BRIP1: variants seen among roughly 807,000 people sequenced by gnomAD.
BRIP1 encodes the protein Fanconi anemia group J protein.
Under a neutral mutation model 119.7 loss-of-function variants are expected in BRIP1, and 88 were observed. The ratio of observed to expected loss-of-function variants is 0.74; its 90% CI spans 0.62 to 0.88. The LOEUF (loss-of-function observed/expected upper bound fraction) is 0.88. Among genes scored for constraint, BRIP1 ranks in the 40% least tolerant of loss-of-function variants. The pLI is 0.00. For synonymous variants in BRIP1, 443 were observed against 496.5 expected, an observed-to-expected ratio of 0.89 and a Z score of 1.43; for missense variants, 1,259 against 1,455.4, an observed-to-expected ratio of 0.87 and a Z score of 2.20.
intron 14 of BRIP1, among the ~76,000 whole-genome samples, chr17:61,773,883 G>A (rs1340753173): frequency 6.6e-6 from 1 of 152,086 alleles, no homozygotes; most frequent in Non-Finnish European, 1.5e-5. Context: ...AAACCACAAT[G>A]AGATACCATC....
chr17:61,715,453 A>G (rs530103331), intron 17 of BRIP1, among the ~76,000 whole-genome samples: 20 of 152,232 alleles, frequency 1.3e-4, no homozygotes, highest in Admixed American at 5.9e-4. Flanking sequence ...TGGGCAGTAA[A>G]ATAGATTTTG....
Position 61,683,753 on chromosome 17 carries a change from G to T in BRIP1, c.3293C>A (p.Ala1098Asp), listed in dbSNP as rs1361161166. The T allele has an allele frequency of 1.2e-6, 2 of 1,614,106 alleles. No homozygotes were observed. The highest frequency in any genetic ancestry group is 1.7e-6 in the Non-Finnish European group (2 of 1,180,014). ...AGACAATTCAATGTCTGGATCCAGG[G>T]CTTCTTCAGAACAGAGCGGATGTTC... ...HSEHPLCSEE[A>D]LDPDIELSLV... Residue 1098 changes from alanine (A) to aspartate (D), a missense_variant, in exon 20 of 20, where the codon GCC becomes GAC. Transcript: ENST00000259008. The surrounding 1 kb of genome is among the most constrained non-coding windows in gnomAD (Gnocchi z 4.7).
rs368474881 is a variant in BRIP1, at chr17:61,745,124, T to G, written c.2098-533A>C. ...GCAGATAAGCTCATTATTTGAATATTTGATCATCATTAATAACCTGCATTG... is the reference window on the plus strand; with the variant it reads ...GCAGATAAGCTCATTATTTGAATATGTGATCATCATTAATAACCTGCATTG... On this transcript the variant is annotated intron_variant, in intron 14 of 19. Coordinates refer to ENST00000259008, the MANE Select transcript of BRIP1 (RefSeq NM_032043.3). This position sits in a 1 kb window ranked among gnomAD's most constrained non-coding sequence, Gnocchi z 4.4. Among the ~76,000 whole-genome samples the G allele has an allele frequency of 1.3e-5, 2 of 152,310 alleles. No individual in the cohort carries two copies. The highest frequency in any genetic ancestry group is 2.1e-4 in the South Asian group (1 of 4,830).
In BRIP1 at chr17:61,794,504, A is replaced by G. The variant is rs946977019; in HGVS notation, c.1341-775T>C. ...TAAATGATGAGACCACATGGACAAGAGGGGAACAGCACATACTGGGGCCTA... is the reference window on the plus strand; with the variant it reads ...TAAATGATGAGACCACATGGACAAGGGGGGAACAGCACATACTGGGGCCTA... On this transcript the variant is annotated intron_variant, in intron 9 of 19. Transcript: ENST00000259008. This position sits in a 1 kb window ranked among gnomAD's most constrained non-coding sequence, Gnocchi z 4.3. Among the ~76,000 whole-genome samples the G allele has an allele frequency of 1.3e-5, 2 of 152,004 alleles. No individual in the cohort carries two copies. Among genetic ancestry groups the G allele is most frequent in the Admixed American group, 1.3e-4 (2 of 15,234 alleles).
intron 6 of BRIP1, among the ~76,000 whole-genome samples, chr17:61,839,087 A>C (rs1459789684): frequency 2.0e-5 from 3 of 152,158 alleles, no homozygotes; most frequent in African/African-American, 7.2e-5. Flanking sequence ...TTACTCCCCT[A>C]TGACACCCAA....
rs2076962149 is a variant in BRIP1 at position 61,739,706 on chromosome 17, C to A, written c.2379+3307G>T. Reference sequence around the variant, plus strand: ...AGAACTCCTGCTTTGGTATGAGACCCTAACTGACTGTATCCTAGGGGGAGG... The same window carrying A: ...AGAACTCCTGCTTTGGTATGAGACCATAACTGACTGTATCCTAGGGGGAGG... On this transcript the variant is annotated intron_variant, in intron 16 of 19. Coordinates refer to ENST00000259008, the MANE Select transcript of BRIP1 (RefSeq NM_032043.3). The surrounding 1 kb of genome is among the most constrained non-coding windows in gnomAD (Gnocchi z 6.0). Among the ~76,000 whole-genome samples the A allele has an allele frequency of 6.6e-6, 1 of 152,140 alleles. No individual in the cohort carries two copies. The highest frequency in any genetic ancestry group is 2.4e-5 in the African/African-American group (1 of 41,442).
At position 61,852,856 on chromosome 17, in the gene BRIP1, G is replaced by T. The variant is rs909428141; in HGVS notation, c.380-3600C>A. Among the ~76,000 whole-genome samples, 2 of 151,992 alleles carry T rather than the reference G, an allele frequency of 1.3e-5. No homozygotes were observed. The highest frequency in any genetic ancestry group is 2.4e-5 in the African/African-American group (1 of 41,384). ...TAAATATCAAGTACTAACAAAAATG[G>T]TGAACAACTTTCATATACTGCTGCA... On this transcript the variant is annotated intron_variant, in intron 4 of 19. Transcript: ENST00000259008. This position sits in a 1 kb window ranked among gnomAD's most constrained non-coding sequence, Gnocchi z 4.9.
chr17:61,850,388 A>C (rs1167081227), intron 4 of BRIP1, among the ~76,000 whole-genome samples: 1 of 151,770 alleles, frequency 6.6e-6, no homozygotes, highest in Non-Finnish European at 1.5e-5. Context: ...GGCGTGAGCC[A>C]CCGTGCCCAG....
rs1408016407 is a variant in BRIP1, at chr17:61,716,042, T to C, written c.2401A>G (p.Asn801Asp). Reference sequence around the variant, plus strand: ...CCTCTCAATTTTGAATGGTGGTCATTGTATTGTCGTTTTAGTTCAACCTAA... The same window carrying C: ...CCTCTCAATTTTGAATGGTGGTCATCGTATTGTCGTTTTAGTTCAACCTAA... ...DLQVELKRQY[N>D]DHHSKLRGLL... The change falls in exon 17 of 20, where the codon AAT (asparagine) becomes GAT (aspartate). Residue 801 changes from asparagine (N) to aspartate (D), a missense_variant. Around this residue, in one of 3 missense-constraint regions of BRIP1, gnomAD observed 753 missense variants for 891.8 expected, o/e 0.84. Coordinates refer to ENST00000259008, the MANE Select transcript of BRIP1 (RefSeq NM_032043.3). 1.9e-6 allele frequency: 3 copies of C among 1,602,044 alleles called. No homozygotes were observed. Among genetic ancestry groups the C allele is most frequent in the Non-Finnish European group, 2.6e-6 (3 of 1,173,404 alleles).
intron 6 of BRIP1, among the ~76,000 whole-genome samples, chr17:61,817,812 A>G (rs914225795): frequency 2.0e-5 from 3 of 152,232 alleles, no homozygotes; most frequent in Non-Finnish European, 4.4e-5. Context: ...TCGTAAATTC[A>G]AGTTAGAAAG....
At chr17:61,840,220 G>A (rs978846775) in intron 6 of BRIP1, among the ~76,000 whole-genome samples, 2 of 151,896 alleles carry the variant, frequency 1.3e-5, no homozygotes, top group African/African-American at 2.4e-5. Flanking sequence ...TGAGCTGGGC[G>A]TGGTGTCAGG....
Position 61,793,664 on chromosome 17 carries a change from C to G in BRIP1, c.1406G>C (p.Ser469Thr), listed in dbSNP as rs2145242139. 1 of 1,609,982 alleles carries G rather than the reference C, an allele frequency of 6.2e-7. No homozygotes were observed. Among genetic ancestry groups the G allele is most frequent in the South Asian group, 1.1e-5 (1 of 90,700 alleles). ...RDYESACKIW[S>T]GNEMLLTLHK... ...TAAAGTTAAGAGCATTTCATTTCCACTCCATATTTTACAAGCTGATTCATA... is the reference window on the plus strand; with the variant it reads ...TAAAGTTAAGAGCATTTCATTTCCAGTCCATATTTTACAAGCTGATTCATA... Residue 469 changes from serine to threonine, a missense_variant, in exon 10 of 20, where the codon AGT becomes ACT. By Grantham distance (58) the Ser-to-Thr change is moderately conservative. This residue lies in a region of BRIP1 where 5 missense variants were observed against 19.6 expected (regional missense o/e 0.26). Transcript: ENST00000259008. This position sits in a 1 kb window ranked among gnomAD's most constrained non-coding sequence, Gnocchi z 5.2.
At chr17:61,749,853 T>C (rs920422621) in intron 14 of BRIP1, among the ~76,000 whole-genome samples, 5 of 152,264 alleles carry the variant, frequency 3.3e-5, no homozygotes, top group Admixed American at 2.6e-4. Flanking sequence ...TTGTTGTCAG[T>C]GTATAGAAAT....
chr17:61,714,091 G>A lies in BRIP1; in HGVS notation c.2492+1860C>T, dbSNP rs1033616672. Among the ~76,000 whole-genome samples the A allele has an allele frequency of 3.3e-5, 5 of 152,242 alleles. No homozygotes were observed. The South Asian group carries it at 1.0e-3, about 32-fold the overall frequency. ...CTTGGGAGGCTAAGGTGAGAGGACT[G>A]CTTGAACCCAGGTGTTCGAGACCAG... On this transcript the variant is annotated intron_variant, in intron 17 of 19. Coordinates refer to ENST00000259008, the MANE Select transcript of BRIP1 (RefSeq NM_032043.3).
rs375707584 is a variant in BRIP1 at position 61,695,245 on chromosome 17, A to C, written c.2493-1733T>G. Among the ~76,000 whole-genome samples, 131 of 152,220 alleles carry C rather than the reference A, an allele frequency of 8.6e-4. No homozygotes were observed. The highest frequency in any genetic ancestry group is 2.8e-3 in the African/African-American group (118 of 41,570). ...TGTCCCAACACCATCTGTTGAAAAG[A>C]CTATTCTTTCTTTGAGTTGTCTTGG... On this transcript the variant is annotated intron_variant, in intron 17 of 19. Coordinates refer to ENST00000259008, the MANE Select transcript of BRIP1 (RefSeq NM_032043.3). This position sits in a 1 kb window ranked among gnomAD's most constrained non-coding sequence, Gnocchi z 4.3.
In BRIP1 at chr17:61,722,945, A is replaced by C. The variant is rs1395972686; in HGVS notation, c.2380-6882T>G. ...TTAAAAACCTACAAAAGAACAAAAA[A>C]CTCCCAAACAAAAAACAAAACCCTG... is the stretch of plus-strand genomic sequence containing the variant. On this transcript the variant is annotated intron_variant, in intron 16 of 19. Coordinates refer to ENST00000259008, the MANE Select transcript of BRIP1 (RefSeq NM_032043.3). This position sits in a 1 kb window ranked among gnomAD's most constrained non-coding sequence, Gnocchi z 4.6. 6.6e-6 allele frequency among the ~76,000 whole-genome samples: 1 copy of C among 152,102 alleles called. No individual in the cohort carries two copies. The highest frequency in any genetic ancestry group is 1.5e-5 in the Non-Finnish European group (1 of 68,008).
At chr17:61,749,876 TG>T (rs1464910689) in intron 14 of BRIP1, among the ~76,000 whole-genome samples, 1 of 152,262 alleles carries the variant, frequency 6.6e-6, no homozygotes, top group Non-Finnish European at 1.5e-5. Flanking sequence ...AACTCATTTT[TG>T]TATGTTAATT....
chr17:61,693,774 T>C lies in BRIP1; in HGVS notation c.2493-262A>G, dbSNP rs2061484337. Among the ~76,000 whole-genome samples, 1 of 152,142 alleles carries C rather than the reference T, an allele frequency of 6.6e-6. No individual in the cohort carries two copies. The highest frequency in any genetic ancestry group is 1.5e-5 in the Non-Finnish European group (1 of 67,998). On this transcript the variant is annotated intron_variant, in intron 17 of 19. Coordinates refer to ENST00000259008, the MANE Select transcript of BRIP1 (RefSeq NM_032043.3). The surrounding 1 kb of genome is among the most constrained non-coding windows in gnomAD (Gnocchi z 4.2). ...GCACTCAAGAAAATTATAGAAAATA[T>C]ATTCTAAGATCTTTCTTAGCCACAT...
At chr17:61,702,963 G>A (rs1361991146) in intron 17 of BRIP1, among the ~76,000 whole-genome samples, 4 of 144,028 alleles carry the variant, frequency 2.8e-5, no homozygotes, top group Non-Finnish European at 6.0e-5. Flanking sequence ...AACCTTGCGA[G>A]CATCTGTTCT....
Sources: gnomAD v4.1 joint callset for allele counts (sites outside exome capture counted in the v4.1 genomes callset) on GRCh38, gnomAD v4.1.1 for gene constraint, gnomAD v4.1.1 regional missense constraint, Gnocchi (gnomAD v3.1) non-coding constraint, MANE v1.5 for transcripts, NCBI Gene and HGNC (gene_info 2026-07-23, HGNC 2026-07-21) for gene names.